CCDC81: variants seen among roughly 807,000 people sequenced by gnomAD.
The protein encoded by CCDC81 is coiled-coil domain containing 81, also known as coiled-coil domain-containing protein 81.
In CCDC81, 79 loss-of-function variants were observed where a neutral mutation model predicts 83.7. That is an observed-to-expected ratio of 0.94 (90% confidence interval 0.79 to 1.14). The LOEUF is 1.14. Among genes scored for constraint, CCDC81 ranks in the 50% most tolerant of loss-of-function variants. The probability of loss-of-function intolerance (pLI) is 0.00; values close to 1 mark genes in which losing one functional copy is unlikely to be tolerated. For synonymous variants in CCDC81, 252 were observed against 278.1 expected, an observed-to-expected ratio of 0.91 and a Z score of 0.93; for missense variants, 791 against 778.1, an observed-to-expected ratio of 1.02 and a Z score of -0.20.
rs1491030877 is a variant in CCDC81, at chr11:86,409,250, TTA to T, written c.1114-10_1114-9del. ...ATTTAAAAATAAACTTTTTTTTTTT[TTA>T]AACAATAGATGAAAAGTCTGGCTAC... On this transcript the variant is annotated splice_polypyrimidine_tract_variant and intron_variant, in intron 9 of 14. Coordinates refer to ENST00000445632, the MANE Select transcript of CCDC81 (RefSeq NM_001156474.2). The T allele has an allele frequency of 7.5e-7, 1 of 1,326,218 alleles. No individual in the cohort carries two copies. Among genetic ancestry groups the T allele is most frequent in the Non-Finnish European group, 1.0e-6 (1 of 995,616 alleles). The allele number at this position is 1,326,218 out of a possible 1,614,324, so 82.2% of individuals were successfully genotyped here.
chr11:86,398,090 C>T (rs1319434019), intron 6 of CCDC81, among the ~76,000 whole-genome samples: 2 of 152,134 alleles, frequency 1.3e-5, no homozygotes, highest in East Asian at 1.9e-4. Flanking sequence ...CCACCTAGGC[C>T]ATCCAAAGTG....
intron 7 of CCDC81, among the ~76,000 whole-genome samples, chr11:86,402,134 CAA>C (rs540502448): frequency 1.1e-5 from 1 of 89,188 alleles, no homozygotes; most frequent in Non-Finnish European, 2.1e-5. Flanking sequence ...GACTCTGTCT[CAA>C]AAAAAAAAAA....
intron 1 of CCDC81, among the ~76,000 whole-genome samples, chr11:86,380,095 T>C (rs1240446330): frequency 6.6e-6 from 1 of 152,126 alleles, no homozygotes; most frequent in East Asian, 1.9e-4. Flanking sequence ...ATCATTTTCC[T>C]TTTTTCTGAG....
chr11:86,383,980 A>G (rs1948207285), intron 1 of CCDC81, among the ~76,000 whole-genome samples: 1 of 152,222 alleles, frequency 6.6e-6, no homozygotes, highest in African/African-American at 2.4e-5. Flanking sequence ...GAAGAAAGAC[A>G]GAATCCTCAA....
chr11:86,399,125 T>C lies in CCDC81; in HGVS notation c.757+1383T>C, dbSNP rs573759013. ...TAAAAGTTGACGACTTTTGTTGATA[T>C]TGAAACAAAAAATGCTAATTAGGCC... On this transcript the variant is annotated intron_variant, in intron 6 of 14. Coordinates refer to ENST00000445632, the MANE Select transcript of CCDC81 (RefSeq NM_001156474.2). Among the ~76,000 whole-genome samples the C allele has an allele frequency of 2.0e-3, 310 of 152,346 alleles. 3 individuals carry two copies. The highest frequency in any genetic ancestry group is 7.3e-3 in the African/African-American group (304 of 41,582).
chr11:86,405,155 C>T (rs957414681), intron 7 of CCDC81, among the ~76,000 whole-genome samples: 2 of 152,044 alleles, frequency 1.3e-5, no homozygotes, highest in African/African-American at 4.8e-5. Context: ...GTATATTTTT[C>T]AGTAATTACA....
At chr11:86,389,150 A>T (rs2138504847) in intron 3 of CCDC81, among the ~76,000 whole-genome samples, 1 of 152,152 alleles carries the variant, frequency 6.6e-6, no homozygotes, top group Admixed American at 6.5e-5. Flanking sequence ...AAAAACTTAG[A>T]CGGGCATGAT....
At chr11:86,402,681 A>G (rs1331863865) in intron 7 of CCDC81, among the ~76,000 whole-genome samples, 2 of 152,202 alleles carry the variant, frequency 1.3e-5, no homozygotes, top group African/African-American at 4.8e-5. Context: ...CACATTTCCA[A>G]TTATCTTCTT....
At chr11:86,414,310 AT>A (rs1160936153) in intron 11 of CCDC81, 803 of 144,264 alleles carry the variant, frequency 5.6e-3, no homozygotes, top group Non-Finnish European at 6.1e-3. Flanking sequence ...AGCGTATGGA[AT>A]TTTTTTTTTT....
Position 86,419,955 on chromosome 11 carries a change from G to C in CCDC81, c.1719G>C (p.Leu573=), listed in dbSNP as rs762462611. The C allele has an allele frequency of 4.3e-6, 7 of 1,613,606 alleles. No individual in the cohort carries two copies. The highest frequency in any genetic ancestry group is 5.9e-6 in the Non-Finnish European group (7 of 1,179,834). Residue 573 remains leucine, a synonymous_variant, in exon 14 of 15, where the codon CTG becomes CTC. Coordinates refer to ENST00000445632, the MANE Select transcript of CCDC81 (RefSeq NM_001156474.2). ...REHLADRTAE[L]ERVNRVNQCL... is the part of the protein sequence containing the mutation. ...ACTTGGCAGACAGAACCGCTGAGCT[G>C]GAGCGAGTAAATAGAGTCAACCAAT...
chr11:86,420,573 A>C (rs533726808), intron 14 of CCDC81, among the ~76,000 whole-genome samples: 1 of 152,382 alleles, frequency 6.6e-6, no homozygotes, highest in African/African-American at 2.4e-5. Context: ...AAAAATTAAA[A>C]TACGAATGTA....
chr11:86,410,533 G>A (rs937196575), intron 10 of CCDC81, among the ~76,000 whole-genome samples: 2 of 152,216 alleles, frequency 1.3e-5, no homozygotes, highest in African/African-American at 4.8e-5. Context: ...ATCAAGGGAG[G>A]AAGAGCATTC....
At chr11:86,383,467 T>C (rs368890688) in intron 1 of CCDC81, among the ~76,000 whole-genome samples, 2 of 152,328 alleles carry the variant, frequency 1.3e-5, no homozygotes, top group East Asian at 3.9e-4. Context: ...AGATACAGTA[T>C]CCTGTTACTT....
At chr11:86,399,861 G>A (rs1593924133) in intron 6 of CCDC81, among the ~76,000 whole-genome samples, 1 of 151,882 alleles carries the variant, frequency 6.6e-6, no homozygotes, top group East Asian at 1.9e-4. Context: ...GGTGGCTCAC[G>A]CCTGTAATCC....
At chr11:86,417,038 G>A (rs1394571458) in intron 13 of CCDC81, among the ~76,000 whole-genome samples, 2 of 152,154 alleles carry the variant, frequency 1.3e-5, no homozygotes, top group Non-Finnish European at 2.9e-5. Flanking sequence ...GAGCCCAGGA[G>A]TTTGAGACCA....
intron 7 of CCDC81, 65 bp downstream of exon 7, chr11:86,400,866 T>C (rs1948477095): frequency 4.8e-6 from 7 of 1,456,362 alleles, no homozygotes; most frequent in Non-Finnish European, 6.6e-6. Context: ...CGTTGCTTGA[T>C]GCGGGGAACT....
chr11:86,413,463 G>C (rs1031290436), intron 11 of CCDC81, among the ~76,000 whole-genome samples: 1 of 151,562 alleles, frequency 6.6e-6, no homozygotes, highest in African/African-American at 2.4e-5. Context: ...CCCTAGCCAG[G>C]GACCATGCCC....
At chr11:86,378,798 A>T (rs966635162) in intron 1 of CCDC81, among the ~76,000 whole-genome samples, 3 of 152,096 alleles carry the variant, frequency 2.0e-5, no homozygotes, top group African/African-American at 7.2e-5. Context: ...CTTTCTTTTG[A>T]TAAGTATTAT....
intron 4 of CCDC81, among the ~76,000 whole-genome samples, chr11:86,393,608 T>C (rs1256461087): frequency 6.6e-6 from 1 of 152,238 alleles, no homozygotes; most frequent in Non-Finnish European, 1.5e-5. Flanking sequence ...GAAAGTTCTA[T>C]AACAAAATCT....
Sources: gnomAD v4.1 joint callset for allele counts (sites outside exome capture counted in the v4.1 genomes callset) on GRCh38, gnomAD v4.1.1 for gene constraint, MANE v1.5 for transcripts, NCBI Gene and HGNC (gene_info 2026-07-23, HGNC 2026-07-21) for gene names.